Variants in LMNTD1 observed in about 807,000 individuals in gnomAD.
LMNTD1 encodes lamin tail domain-containing protein 1.
Under a neutral mutation model 50.9 loss-of-function variants are expected in LMNTD1, and 35 were observed. The observed-to-expected ratio is 0.69, with a 90% CI of 0.53 to 0.91. The LOEUF (loss-of-function observed/expected upper bound fraction) is 0.91, where lower values mean the gene tolerates loss of function less well. Among genes scored for constraint, LMNTD1 ranks in the 40% least tolerant of loss-of-function variants. The pLI is 0.00. For synonymous variants in LMNTD1, 153 were observed against 161.9 expected, an observed-to-expected ratio of 0.94 and a Z score of 0.42; for missense variants, 470 against 475.5, an observed-to-expected ratio of 0.99 and a Z score of 0.11.
At chr12:25,631,066 C>T (rs911843372) in intron 1 of LMNTD1, among the ~76,000 whole-genome samples, 1 of 152,132 alleles carries the variant, frequency 6.6e-6, no homozygotes, top group African/African-American at 2.4e-5. Context: ...CATGACTTAA[C>T]AGAGGCAGCC....
intron 1 of LMNTD1, among the ~76,000 whole-genome samples, chr12:25,564,828 A>G (rs559347785): frequency 1.3e-5 from 2 of 152,236 alleles, no homozygotes; most frequent in Admixed American, 1.3e-4. Context: ...AAGTGGGGTG[A>G]AGTCTCTAGC....
At chr12:25,617,260 T>C (rs530860056) in intron 1 of LMNTD1, among the ~76,000 whole-genome samples, 1 of 152,332 alleles carries the variant, frequency 6.6e-6, no homozygotes, top group African/African-American at 2.4e-5. Flanking sequence ...TTATTCACTT[T>C]AGTGGGTAGT....
intron 1 of LMNTD1, among the ~76,000 whole-genome samples, chr12:25,640,903 G>A (rs1238881386): frequency 3.3e-5 from 5 of 152,088 alleles, no homozygotes; most frequent in African/African-American, 4.8e-5. Context: ...TCCTGACCTC[G>A]TGATCCACCT....
At chr12:25,641,752 C>T (rs891811576) in intron 1 of LMNTD1, among the ~76,000 whole-genome samples, 2 of 151,546 alleles carry the variant, frequency 1.3e-5, no homozygotes, top group East Asian at 3.9e-4. Context: ...TCTGCAGTTC[C>T]ACAGAATATA....
intron 9 of LMNTD1, among the ~76,000 whole-genome samples, chr12:25,501,544 T>C: frequency 6.6e-6 from 1 of 152,142 alleles, no homozygotes; most frequent in East Asian, 1.9e-4. Flanking sequence ...GGAAGAGCAA[T>C]GGCATCATGT....
At chr12:25,560,325 T>C (rs1262217376) in intron 1 of LMNTD1, among the ~76,000 whole-genome samples, 1 of 152,220 alleles carries the variant, frequency 6.6e-6, no homozygotes, top group Admixed American at 6.5e-5. Flanking sequence ...CTTGTTTGTG[T>C]CAGGTTTGTC....
chr12:25,549,783 T>C (rs1398909962), intron 2 of LMNTD1, among the ~76,000 whole-genome samples: 2 of 152,146 alleles, frequency 1.3e-5, no homozygotes, highest in African/African-American at 4.8e-5. Context: ...CTATTGTAGA[T>C]AGTTCTGAAA....
intron 1 of LMNTD1, among the ~76,000 whole-genome samples, chr12:25,621,235 G>A (rs979640373): frequency 1.3e-5 from 2 of 152,022 alleles, no homozygotes; most frequent in African/African-American, 4.8e-5. Flanking sequence ...TTTATTTAGA[G>A]AGAAAGAGAG....
At chr12:25,597,880 C>T (rs1276728091) in intron 1 of LMNTD1, among the ~76,000 whole-genome samples, 2 of 152,078 alleles carry the variant, frequency 1.3e-5, no homozygotes, top group Non-Finnish European at 2.9e-5. Context: ...TATGGTTTGG[C>T]TGTGTGTCCC....
intron 4 of LMNTD1, among the ~76,000 whole-genome samples, chr12:25,529,508 A>C (rs1258450242): frequency 6.6e-6 from 1 of 152,148 alleles, no homozygotes; most frequent in Non-Finnish European, 1.5e-5. Flanking sequence ...GCCAAGCCTG[A>C]AACTTCCAAT....
chr12:25,604,698 A>AT (rs1487316447), intron 1 of LMNTD1, among the ~76,000 whole-genome samples: 1 of 152,200 alleles, frequency 6.6e-6, no homozygotes, highest in Non-Finnish European at 1.5e-5. Context: ...TTATGGCTGC[A>AT]TAGTATCCCA....
At chr12:25,647,080 T>C (rs11048143) in intron 1 of LMNTD1, among the ~76,000 whole-genome samples, 1 of 152,252 alleles carries the variant, frequency 6.6e-6, no homozygotes, top group Non-Finnish European at 1.5e-5. Flanking sequence ...ATCCTTACAA[T>C]GTCATTTTCC....
At chr12:25,583,188 A>ATT (rs10699058) in intron 1 of LMNTD1, among the ~76,000 whole-genome samples, 3 of 139,200 alleles carry the variant, frequency 2.2e-5, no homozygotes, top group South Asian at 2.4e-4. Flanking sequence ...CGCCTGGCTA[A>ATT]TTTTTTTTTT....
At chr12:25,632,428 T>C (rs988607289) in intron 1 of LMNTD1, among the ~76,000 whole-genome samples, 1 of 152,138 alleles carries the variant, frequency 6.6e-6, no homozygotes, top group South Asian at 2.1e-4. Context: ...GGAAAATTGA[T>C]CAGATTAACA....
At chr12:25,622,476 C>CCCCCCCT (rs5797142) in intron 1 of LMNTD1, among the ~76,000 whole-genome samples, 1 of 141,500 alleles carries the variant, frequency 7.1e-6, no homozygotes, top group African/African-American at 2.6e-5. Flanking sequence ...CGCCCCCCCC[C>CCCCCCCT]GCAAAATAAT....
At chr12:25,534,290 CTT>C (rs1426714479) in intron 4 of LMNTD1, among the ~76,000 whole-genome samples, 1 of 152,142 alleles carries the variant, frequency 6.6e-6, no homozygotes, top group African/African-American at 2.4e-5. Context: ...CAAGAAGTGA[CTT>C]TAGCCTTCCA....
chr12:25,516,574 ATATATC>A (rs965765400), intron 8 of LMNTD1, among the ~76,000 whole-genome samples: 9 of 152,190 alleles, frequency 5.9e-5, no homozygotes, highest in African/African-American at 1.9e-4. Flanking sequence ...CATCTATCTA[ATATATC>A]TATATCTATA....
chr12:25,519,608 A>AAAAAAAAAAAG (rs1941128354), intron 7 of LMNTD1, among the ~76,000 whole-genome samples: 1 of 147,542 alleles, frequency 6.8e-6, no homozygotes, highest in East Asian at 2.0e-4. Context: ...AAAAAAAAAA[A>AAAAAAAAAAAG]GTGAAATGGC....
intron 4 of LMNTD1, among the ~76,000 whole-genome samples, chr12:25,545,491 TA>T (rs1943377964): frequency 6.6e-6 from 1 of 151,680 alleles, no homozygotes; most frequent in African/African-American, 2.4e-5. Context: ...CTTGGCACTG[TA>T]TATTTGTTTT....
Sources: gnomAD v4.1 joint callset for allele counts (sites outside exome capture counted in the v4.1 genomes callset) on GRCh38, gnomAD v4.1.1 for gene constraint, MANE v1.5 for transcripts, NCBI Gene and HGNC (gene_info 2026-07-23, HGNC 2026-07-21) for gene names.